Variants in FGF10 observed in about 807,000 individuals in gnomAD.
FGF10 encodes fibroblast growth factor 10.
Under a neutral mutation model 19.8 loss-of-function variants are expected in FGF10, and 2 were observed. The observed-to-expected ratio is 0.10, with a 90% CI of 0.04 to 0.32. The LOEUF (loss-of-function observed/expected upper bound fraction) is 0.32. FGF10 is among the 10% of genes least tolerant of loss of function. The probability of loss-of-function intolerance (pLI) is 1.00; values close to 1 mark genes in which losing one functional copy is unlikely to be tolerated. For missense variants in FGF10, 191 were observed against 246.3 expected (o/e 0.78, Z 1.50); for synonymous variants, 112 against 94.0 (o/e 1.19, Z -1.10).
chr5:44,321,850 C>T (rs1740499316), intron 1 of FGF10, among the ~76,000 whole-genome samples: 1 of 152,182 alleles, frequency 6.6e-6, no homozygotes, highest in South Asian at 2.1e-4. Context: ...CAACCTCTGC[C>T]TCCTGGGTTC....
chr5:44,327,459 G>A (rs935205443), intron 1 of FGF10, among the ~76,000 whole-genome samples: 1 of 152,078 alleles, frequency 6.6e-6, no homozygotes, highest in Non-Finnish European at 1.5e-5. Context: ...TTTAAAAAAG[G>A]TTTTTAAAAA....
At chr5:44,388,134 A>G (rs1257544071) in intron 1 of FGF10, among the ~76,000 whole-genome samples, 1 of 64,260 alleles carries the variant, frequency 1.6e-5, no homozygotes, top group Non-Finnish European at 3.0e-5. Context: ...TAGAGCGGCA[A>G]GGGGTGGGGG....
chr5:44,333,960 G>A (rs1043126554), intron 1 of FGF10, among the ~76,000 whole-genome samples: 4 of 152,022 alleles, frequency 2.6e-5, no homozygotes, highest in Admixed American at 1.3e-4. Flanking sequence ...CCCCTTCAGC[G>A]TAGCTTTCAT....
chr5:44,303,246 G>A lies in FGF10; in HGVS notation c.*1749C>T, dbSNP rs1740001300. On this transcript the variant is annotated 3_prime_UTR_variant, in exon 3 of 3. Coordinates refer to ENST00000264664, the MANE Select transcript of FGF10 (RefSeq NM_004465.2). ...ATTATACAAAAAATTTCTTAATAAA[G>A]CAATTTTTAAAAATAACAGATTAAC... Among the ~76,000 whole-genome samples the A allele has an allele frequency of 6.6e-6, 1 of 152,022 alleles. No individual in the cohort carries two copies. Among genetic ancestry groups the A allele is most frequent in the Admixed American group, 6.6e-5 (1 of 15,224 alleles).
intron 1 of FGF10, among the ~76,000 whole-genome samples, chr5:44,386,125 A>G (rs1266369480): frequency 2.6e-5 from 4 of 152,042 alleles, no homozygotes; most frequent in Non-Finnish European, 5.9e-5. Flanking sequence ...CCTTTTATAC[A>G]ATATATATTG....
chr5:44,366,079 C>T (rs1275368958), intron 1 of FGF10, among the ~76,000 whole-genome samples: 6 of 145,360 alleles, frequency 4.1e-5, no homozygotes. Context: ...AGATTTTAGC[C>T]AATCCAATGT....
chr5:44,349,140 G>C lies in FGF10; in HGVS notation c.326-38610C>G, dbSNP rs73089961. Among the ~76,000 whole-genome samples the C allele has an allele frequency of 3.8e-3, 572 of 150,828 alleles. 6 individuals carry two copies. The highest frequency in any genetic ancestry group is 0.013 in the African/African-American group (546 of 41,258). On this transcript the variant is annotated intron_variant, in intron 1 of 2. Transcript: ENST00000264664. ...TTGTGTTTATTTTCTAGGATACTTTGGTTACATTCTCTGCCCCTCTCCCAC... is the reference window on the plus strand; with the variant it reads ...TTGTGTTTATTTTCTAGGATACTTTCGTTACATTCTCTGCCCCTCTCCCAC...
chr5:44,327,886 A>G (rs894378841), intron 1 of FGF10, among the ~76,000 whole-genome samples: 6 of 152,188 alleles, frequency 3.9e-5, no homozygotes, highest in African/African-American at 1.4e-4. Context: ...GACAGCTGCT[A>G]ACAATTGCAT....
At chr5:44,338,039 C>T (rs1049456080) in intron 1 of FGF10, among the ~76,000 whole-genome samples, 2 of 152,126 alleles carry the variant, frequency 1.3e-5, no homozygotes, top group South Asian at 2.1e-4. Context: ...AATTATTATT[C>T]TAACATGTAA....
chr5:44,329,529 G>C (rs1483983026), intron 1 of FGF10, among the ~76,000 whole-genome samples: 29 of 151,984 alleles, frequency 1.9e-4, no homozygotes, highest in Admixed American at 1.9e-3. Flanking sequence ...GCATAGATTG[G>C]TGATAGTTTC....
chr5:44,371,709 T>C (rs1741745410), intron 1 of FGF10, among the ~76,000 whole-genome samples: 1 of 152,166 alleles, frequency 6.6e-6, no homozygotes, highest in African/African-American at 2.4e-5. Flanking sequence ...ATAAACTATA[T>C]TTTAAAATAA....
At chr5:44,381,636 T>C (rs1000382647) in intron 1 of FGF10, among the ~76,000 whole-genome samples, 1 of 152,198 alleles carries the variant, frequency 6.6e-6, no homozygotes, top group Non-Finnish European at 1.5e-5. Context: ...AAAGACTCTA[T>C]GAACATGTCA....
intron 1 of FGF10, among the ~76,000 whole-genome samples, chr5:44,384,807 T>C (rs1371990636): frequency 1.3e-5 from 2 of 152,138 alleles, no homozygotes; most frequent in Non-Finnish European, 2.9e-5. Flanking sequence ...TTGCCTCCCA[T>C]TCTTCTTTCC....
chr5:44,357,011 C>A (rs939124771), intron 1 of FGF10, among the ~76,000 whole-genome samples: 1 of 151,182 alleles, frequency 6.6e-6, no homozygotes, highest in African/African-American at 2.4e-5. Flanking sequence ...TCTGCTTCAA[C>A]TGCCAAAACT....
At chr5:44,321,372 C>A (rs1005348318) in intron 1 of FGF10, among the ~76,000 whole-genome samples, 2 of 152,148 alleles carry the variant, frequency 1.3e-5, no homozygotes, top group African/African-American at 4.8e-5. Context: ...TGTTTTAGTG[C>A]AATATATTTT....
intron 1 of FGF10, among the ~76,000 whole-genome samples, chr5:44,321,191 G>A (rs905789891): frequency 6.6e-6 from 1 of 152,136 alleles, no homozygotes; most frequent in African/African-American, 2.4e-5. Flanking sequence ...TTACAGAAGA[G>A]GCTGCAGTTC....
intron 1 of FGF10, among the ~76,000 whole-genome samples, chr5:44,376,518 C>CAAAAAAAAAAAAAAAAA (rs1265124775): frequency 4.1e-5 from 3 of 72,694 alleles, no homozygotes; most frequent in Admixed American, 1.8e-4. Flanking sequence ...AAAAAAAAAA[C>CAAAAAAAAAAAAAAAAA]AAAAAACCCA....
chr5:44,307,900 G>C (rs1157855282), intron 2 of FGF10, among the ~76,000 whole-genome samples: 1 of 152,204 alleles, frequency 6.6e-6, no homozygotes, highest in African/African-American at 2.4e-5. Context: ...GTTTCTTTCT[G>C]AGACAGGCTG....
At chr5:44,382,407 T>G (rs1742005153) in intron 1 of FGF10, among the ~76,000 whole-genome samples, 2 of 152,216 alleles carry the variant, frequency 1.3e-5, no homozygotes. Flanking sequence ...TTAAACTGAT[T>G]CTGTAAAACA....
Sources: allele counts gnomAD v4.1 joint callset (sites outside exome capture counted in the v4.1 genomes callset), GRCh38; gene constraint gnomAD v4.1.1; transcripts MANE v1.5; gene names NCBI Gene and HGNC (gene_info 2026-07-23, HGNC 2026-07-21).